The following HDGFL1 variants were observed in gnomAD, a reference collection of about 807,000 sequenced individuals.
HDGFL1 encodes HDGF like 1.
For synonymous variants in HDGFL1, 190 were observed against 165.1 expected (o/e 1.15, Z -1.16); for missense variants, 422 against 365.3 (o/e 1.16, Z -1.27).
chr6:22,570,313 A>T lies in HDGFL1; in HGVS notation c.738A>T (p.Gly246=). 1 of 1,479,758 alleles carries T rather than the reference A, an allele frequency of 6.8e-7. No homozygotes were observed. The highest frequency in any genetic ancestry group is 8.9e-7 in the Non-Finnish European group (1 of 1,118,122). The allele number at this position is 1,479,758 out of a possible 1,614,324, so 91.7% of individuals were successfully genotyped here. A position where few individuals can be genotyped will look rare whatever the true frequency, so the allele number is the denominator to read the frequency against. The change falls in exon 1 of 1, where the codon GGA becomes GGT. Residue 246 remains glycine, a synonymous_variant. Transcript: ENST00000510882. ...GGCATGCCGAGGCACCGGGCGGCGG[A>T]GATCGCGACAGCCTGTAGTTACCAG... ...QEWHAEAPGG[G]DRDSL
chr6:22,569,956 C>G lies in HDGFL1; in HGVS notation c.381C>G (p.Asp127Glu). 6.4e-7 allele frequency: 1 copy of G among 1,551,292 alleles called. No individual in the cohort carries two copies. ...DKPTHAGGGG[D>E]ELGKPDDDKP... Reference sequence around the variant, plus strand: ...CGACCCACGCTGGTGGCGGCGGCGACGAATTGGGGAAGCCGGACGACGACA... The same window carrying G: ...CGACCCACGCTGGTGGCGGCGGCGAGGAATTGGGGAAGCCGGACGACGACA... Residue 127 changes from aspartate (D) to glutamate (E), a missense_variant, in exon 1 of 1, where the codon GAC becomes GAG. By Grantham distance (45) the Asp-to-Glu change is conservative. Transcript: ENST00000510882.
In HDGFL1 at chr6:22,569,570, C is replaced by G; in HGVS notation, c.-6C>G. 6.2e-7 allele frequency: 1 copy of G among 1,609,704 alleles called. No individual in the cohort carries two copies. The highest frequency in any genetic ancestry group is 8.5e-7 in the Non-Finnish European group (1 of 1,177,266). ...TGTGGCCCAGGCGGGGTCCGCAGAA[C>G]CAGCTATGTCGGCCTACGGCATGCC... On this transcript the variant is annotated 5_prime_UTR_variant, in exon 1 of 1. Coordinates refer to ENST00000510882, the MANE Select transcript of HDGFL1 (RefSeq NM_138574.4).
In HDGFL1 at chr6:22,570,380, G is replaced by A; in HGVS notation, c.*49G>A. 1 of 1,416,394 alleles carries A rather than the reference G, an allele frequency of 7.1e-7. No homozygotes were observed. Among genetic ancestry groups the A allele is most frequent in the South Asian group, 1.6e-5 (1 of 63,158 alleles). The allele number at this position is 1,416,394 out of a possible 1,614,324, so 87.7% of individuals were successfully genotyped here. ...CCTGCCCCGTTCCTGCTGCGGCCTG[G>A]CCGTTCTTGGGGAATCTGACCACGG... On this transcript the variant is annotated 3_prime_UTR_variant, in exon 1 of 1. Transcript: ENST00000510882.
rs1760915839 is a variant in HDGFL1, at chr6:22,571,038, G to A, written c.*707G>A. Reference sequence around the variant, plus strand: ...TTGGGGGCTTCCAAGTTGTTTGTGAGATCTGAAAACTTAACTTTGCCCAAT... The same window carrying A: ...TTGGGGGCTTCCAAGTTGTTTGTGAAATCTGAAAACTTAACTTTGCCCAAT... On this transcript the variant is annotated 3_prime_UTR_variant, in exon 1 of 1. Transcript: ENST00000510882. 1 of 167,018 alleles carries A rather than the reference G, an allele frequency of 6.0e-6. No individual in the cohort carries two copies. The highest frequency in any genetic ancestry group is 1.5e-5 in the Non-Finnish European group (1 of 68,150). 10.3% of individuals were successfully genotyped at this position (167,018 alleles called of 1,614,324 possible).
Position 22,570,263 on chromosome 6 carries a change from G to A in HDGFL1, c.688G>A (p.Ala230Thr), listed in dbSNP as rs1760900678. The A allele has an allele frequency of 1.7e-5, 26 of 1,542,762 alleles. No individual in the cohort carries two copies. The highest frequency in any genetic ancestry group is 2.2e-5 in the Non-Finnish European group (25 of 1,151,014). ...GGAGGAGCTCCGGGAGGAAGAAGTC[G>A]CGGACGAGGAGGCCTCCCAGGAGTG... ...EEEELREEEV[A>T]DEEASQEWHA... The change falls in exon 1 of 1, where the codon GCG becomes ACG. Residue 230 changes from alanine to threonine, a missense_variant. Physicochemically the swap from Ala to Thr is moderately conservative, Grantham distance 58. Coordinates refer to ENST00000510882, the MANE Select transcript of HDGFL1 (RefSeq NM_138574.4).
At position 22,570,117 on chromosome 6, in the gene HDGFL1, G is replaced by GGGCGGC. The variant is rs536582109; in HGVS notation, c.559_564dup (p.Ala187_Ala188dup). On this transcript the variant is annotated inframe_insertion, in exon 1 of 1. Coordinates refer to ENST00000510882, the MANE Select transcript of HDGFL1 (RefSeq NM_138574.4). The stretch of plus-strand genomic sequence containing the variant: ...GCGGAGAGGGCGGCGGAAGCGGAGA[G>GGGCGGC]GGCGGCGGCGGCGGCGGCGGCGACG... The GGGCGGC allele has an allele frequency of 5.5e-4, 841 of 1,529,940 alleles. No homozygotes were observed. The highest frequency in any genetic ancestry group is 1.5e-3 in the African/African-American group (106 of 72,764). 94.8% of individuals were successfully genotyped at this position (1,529,940 alleles called of 1,614,324 possible).
chr6:22,570,207 G>T lies in HDGFL1; in HGVS notation c.632G>T (p.Gly211Val). ...VENGSAPSEPGLVCEPPQPEE... is the reference protein window; with the variant it reads ...VENGSAPSEPVLVCEPPQPEE... The stretch of plus-strand genomic sequence containing the variant: ...AACGGCAGCGCCCCTAGCGAGCCGG[G>T]CCTGGTCTGCGAGCCGCCTCAGCCA... The change falls in exon 1 of 1, where the codon GGC becomes GTC. Residue 211 changes from glycine (G) to valine (V), a missense_variant. By Grantham distance (109) the Gly-to-Val change is moderately radical (BLOSUM62 -3). Transcript: ENST00000510882. 1 of 1,567,014 alleles carries T rather than the reference G, an allele frequency of 6.4e-7. No homozygotes were observed. Among genetic ancestry groups the T allele is most frequent in the Non-Finnish European group, 8.6e-7 (1 of 1,161,608 alleles).
In HDGFL1 at chr6:22,570,927, C is replaced by T. The variant is rs1464185226; in HGVS notation, c.*596C>T. ...GCTTCAGACATTTAGGGAAAAGGGGCAGCATGTGGGGAATGCCCCCCGCCT... is the reference window on the plus strand; with the variant it reads ...GCTTCAGACATTTAGGGAAAAGGGGTAGCATGTGGGGAATGCCCCCCGCCT... On this transcript the variant is annotated 3_prime_UTR_variant, in exon 1 of 1. Transcript: ENST00000510882. The T allele has an allele frequency of 6.0e-6, 1 of 167,168 alleles. No homozygotes were observed. Among genetic ancestry groups the T allele is most frequent in the African/African-American group, 2.4e-5 (1 of 41,422 alleles). 10.4% of individuals were successfully genotyped at this position (167,168 alleles called of 1,614,324 possible). A position where few individuals can be genotyped will look rare whatever the true frequency, so the allele number is the denominator to read the frequency against.
rs767131160 is a variant in HDGFL1 at position 22,569,586 on chromosome 6, A to C, written c.11A>C (p.Tyr4Ser). The change falls in exon 1 of 1, where the codon TAC (tyrosine) becomes TCC (serine). Residue 4 changes from tyrosine (Y) to serine (S), a missense_variant. Physicochemically the swap from Tyr to Ser is moderately radical, Grantham distance 144. Coordinates refer to ENST00000510882, the MANE Select transcript of HDGFL1 (RefSeq NM_138574.4). MSAYGMPMYKSGDL... is the reference protein window; with the variant it reads MSASGMPMYKSGDL... ...TCCGCAGAACCAGCTATGTCGGCCT[A>C]CGGCATGCCCATGTACAAGAGCGGG... 3 of 1,613,420 alleles carry C rather than the reference A, an allele frequency of 1.9e-6. No individual in the cohort carries two copies. The highest frequency in any genetic ancestry group is 3.3e-4 in the Middle Eastern group (2 of 6,058).
At chr6:22,570,112 GGA>G in the HDGFL1 span, 1 of 1,535,504 alleles carries the variant, frequency 6.5e-7, no homozygotes, top group Non-Finnish European at 8.8e-7. Context: ...CGGCGGAAGC[GGA>G]GAGGGCGGCG....
chr6:22,570,149 G>C lies in HDGFL1; in HGVS notation c.574G>C (p.Asp192His), dbSNP rs752943892. 2 of 1,548,482 alleles carry C rather than the reference G, an allele frequency of 1.3e-6. No individual in the cohort carries two copies. The highest frequency in any genetic ancestry group is 1.4e-5 in the African/African-American group (1 of 73,484). Residue 192 changes from aspartate (D) to histidine (H), a missense_variant, in exon 1 of 1, where the codon GAC becomes CAC. Transcript: ENST00000510882. ...GGCGGCGGCGGCGGCGACGGCCGTC[G>C]ACGAGGAGAGTCCGTTCCTCGTGGC... The part of the protein sequence containing the change: ...AAAAAAATAV[D>H]EESPFLVAVE...
chr6:22,570,120 C>CGGCGGAAGCGGAGAG lies in HDGFL1; in HGVS notation c.550_551insAAGCGGAGAGGGCGG (p.Ala183_Ala184insGluAlaGluArgAla), dbSNP rs1760893626. On this transcript the variant is annotated inframe_insertion, in exon 1 of 1. Coordinates refer to ENST00000510882, the MANE Select transcript of HDGFL1 (RefSeq NM_138574.4). ...GAGAGGGCGGCGGAAGCGGAGAGGG[C>CGGCGGAAGCGGAGAG]GGCGGCGGCGGCGGCGGCGACGGCC... is the stretch of plus-strand genomic sequence containing the variant. The CGGCGGAAGCGGAGAG allele has an allele frequency of 5.4e-6, 8 of 1,492,718 alleles. No individual in the cohort carries two copies. The highest frequency in any genetic ancestry group is 7.2e-6 in the Non-Finnish European group (8 of 1,113,808). 92.5% of individuals were successfully genotyped at this position (1,492,718 alleles called of 1,614,324 possible).
Position 22,569,944 on chromosome 6 carries a change from TGGC to T in HDGFL1, c.377_379del (p.Gly126del), listed in dbSNP as rs1021868072. 2 of 1,552,300 alleles carry T rather than the reference TGGC, an allele frequency of 1.3e-6. No individual in the cohort carries two copies. The highest frequency in any genetic ancestry group is 8.7e-7 in the Non-Finnish European group (1 of 1,148,222). On this transcript the variant is annotated inframe_deletion, in exon 1 of 1. Coordinates refer to ENST00000510882, the MANE Select transcript of HDGFL1 (RefSeq NM_138574.4). Reference sequence around the variant, plus strand: ...ACGAGGACAAGCCGACCCACGCTGGTGGCGGCGGCGACGAATTGGGGAAGCCGG... The same window carrying T: ...ACGAGGACAAGCCGACCCACGCTGGTGGCGGCGACGAATTGGGGAAGCCGG...
chr6:22,570,137 G>T lies in HDGFL1; in HGVS notation c.562G>T (p.Ala188Ser), dbSNP rs1413674258. The change falls in exon 1 of 1, where the codon GCG (alanine) becomes TCG (serine). Residue 188 changes from alanine to serine, a missense_variant. Ala to Ser is a moderately conservative substitution (Grantham distance 99, BLOSUM62 1). Coordinates refer to ENST00000510882, the MANE Select transcript of HDGFL1 (RefSeq NM_138574.4). ...GGAGAGGGCGGCGGCGGCGGCGGCG[G>T]CGACGGCCGTCGACGAGGAGAGTCC... ...EAERAAAAAA[A>S]TAVDEESPFL... 9 of 1,532,178 alleles carry T rather than the reference G, an allele frequency of 5.9e-6. No individual in the cohort carries two copies. The highest frequency in any genetic ancestry group is 7.9e-6 in the Non-Finnish European group (9 of 1,141,050). The allele number at this position is 1,532,178 out of a possible 1,614,324, so 94.9% of individuals were successfully genotyped here.
In HDGFL1 at chr6:22,571,361, T is replaced by G. The variant is rs1317355131; in HGVS notation, c.*1030T>G. The G allele has an allele frequency of 6.0e-6, 1 of 167,196 alleles. No individual in the cohort carries two copies. The highest frequency in any genetic ancestry group is 2.4e-5 in the African/African-American group (1 of 41,476). The allele number at this position is 167,196 out of a possible 1,614,324, so 10.4% of individuals were successfully genotyped here. Reference sequence around the variant, plus strand: ...ACAAACTGGAAGGCTCCCTTTCTGTTTGAAGTTTTATGACTTGTAGTCAGG... The same window carrying G: ...ACAAACTGGAAGGCTCCCTTTCTGTGTGAAGTTTTATGACTTGTAGTCAGG... On this transcript the variant is annotated 3_prime_UTR_variant, in exon 1 of 1. Transcript: ENST00000510882.
chr6:22,569,830 C>T lies in HDGFL1; in HGVS notation c.255C>T (p.Asn85=), dbSNP rs755246695. ...FSAGLWEIEN[N]PTVQASDCPL... is the part of the protein sequence containing the mutation. Reference sequence around the variant, plus strand: ...CGGGGCTGTGGGAAATCGAGAACAACCCCACGGTCCAGGCCTCCGACTGCC... The same window carrying T: ...CGGGGCTGTGGGAAATCGAGAACAATCCCACGGTCCAGGCCTCCGACTGCC... Residue 85 remains asparagine, a synonymous_variant, in exon 1 of 1, where the codon AAC becomes AAT. Coordinates refer to ENST00000510882, the MANE Select transcript of HDGFL1 (RefSeq NM_138574.4). 6.2e-7 allele frequency: 1 copy of T among 1,611,364 alleles called. No individual in the cohort carries two copies. The highest frequency in any genetic ancestry group is 2.2e-5 in the East Asian group (1 of 44,664).
chr6:22,571,117 C>G lies in HDGFL1; in HGVS notation c.*786C>G, dbSNP rs960944598. On this transcript the variant is annotated 3_prime_UTR_variant, in exon 1 of 1. Coordinates refer to ENST00000510882, the MANE Select transcript of HDGFL1 (RefSeq NM_138574.4). The stretch of plus-strand genomic sequence containing the variant: ...TGTCCCATTTAGATCTCTGGGGCCA[C>G]TGATGGGATGCCCTGGGAAGATCCT... 2 of 167,120 alleles carry G rather than the reference C, an allele frequency of 1.2e-5. No homozygotes were observed. The highest frequency in any genetic ancestry group is 6.5e-5 in the Admixed American group (1 of 15,286). 10.4% of individuals were successfully genotyped at this position (167,120 alleles called of 1,614,324 possible).
rs907518015 is a variant in HDGFL1, at chr6:22,571,084, G to A, written c.*753G>A. ...CCAATATCCTGGTTGGGGACCGTGAGAAATATCTGTCCCATTTAGATCTCT... is the reference window on the plus strand; with the variant it reads ...CCAATATCCTGGTTGGGGACCGTGAAAAATATCTGTCCCATTTAGATCTCT... On this transcript the variant is annotated 3_prime_UTR_variant, in exon 1 of 1. Coordinates refer to ENST00000510882, the MANE Select transcript of HDGFL1 (RefSeq NM_138574.4). 9.0e-5 allele frequency: 15 copies of A among 167,080 alleles called. No individual in the cohort carries two copies. The highest frequency in any genetic ancestry group is 1.9e-4 in the Non-Finnish European group (13 of 68,132). The allele number at this position is 167,080 out of a possible 1,614,324, so 10.3% of individuals were successfully genotyped here.
At position 22,570,048 on chromosome 6, in the gene HDGFL1, A is replaced by G. The variant is rs1760890091; in HGVS notation, c.473A>G (p.Lys158Arg). Reference protein sequence around the residue: ...SAGDPPEDAPKRPKEAAPDQE... With the variant: ...SAGDPPEDAPRRPKEAAPDQE... ...GGGGACCCGCCGGAGGACGCCCCCA[A>G]ACGACCCAAGGAGGCAGCCCCCGAC... The change falls in exon 1 of 1, where the codon AAA becomes AGA. Residue 158 changes from lysine to arginine, a missense_variant. By Grantham distance (26) the Lys-to-Arg change is conservative (BLOSUM62 2). Coordinates refer to ENST00000510882, the MANE Select transcript of HDGFL1 (RefSeq NM_138574.4). 3.9e-6 allele frequency: 6 copies of G among 1,546,190 alleles called. No homozygotes were observed. The highest frequency in any genetic ancestry group is 4.4e-6 in the Non-Finnish European group (5 of 1,145,676).
Sources: gnomAD v4.1 joint callset for allele counts on GRCh38, gnomAD v4.1.1 for gene constraint, MANE v1.5 for transcripts, NCBI Gene and HGNC (gene_info 2026-07-23, HGNC 2026-07-21) for gene names.